Variants in GNB1L observed in about 807,000 individuals in gnomAD.
The protein encoded by GNB1L is guanine nucleotide-binding protein subunit beta-like protein 1.
In GNB1L, 20 loss-of-function variants were observed where a neutral mutation model predicts 29.1. That is an observed-to-expected ratio of 0.69 (90% CI 0.48 to 1.00). GNB1L has a LOEUF of 1.00. Among genes scored for constraint, GNB1L ranks in the 50% least tolerant of loss-of-function variants. The probability of loss-of-function intolerance (pLI) is 0.00; values close to 1 mark genes in which losing one functional copy is unlikely to be tolerated. For synonymous variants in GNB1L, 193 were observed against 206.5 expected (o/e 0.93, Z 0.56); for missense variants, 421 against 464.9 (o/e 0.91, Z 0.87).
At chr22:19,841,345 A>T (rs1937856839) in intron 2 of GNB1L, among the ~76,000 whole-genome samples, 1 of 152,214 alleles carries the variant, frequency 6.6e-6, no homozygotes, top group Non-Finnish European at 1.5e-5. Context: ...TTTAATTTAC[A>T]CTAATGTATT....
chr22:19,843,800 T>C (rs1179622959), intron 2 of GNB1L, among the ~76,000 whole-genome samples: 1 of 152,196 alleles, frequency 6.6e-6, no homozygotes, highest in Non-Finnish European at 1.5e-5. Context: ...AGTGCTACAG[T>C]CCTGTAGGCC....
chr22:19,796,348 G>T (rs73379923), intron 7 of GNB1L, among the ~76,000 whole-genome samples: 3,811 of 152,272 alleles, frequency 0.025, 151 homozygotes, highest in African/African-American at 0.085. Context: ...GACTTAAAGG[G>T]CTAAGAATCA....
intron 6 of GNB1L, among the ~76,000 whole-genome samples, chr22:19,804,411 T>C (rs1218102470): frequency 6.6e-6 from 1 of 152,076 alleles, no homozygotes; most frequent in Non-Finnish European, 1.5e-5. Context: ...CTGGCTGGAG[T>C]GGCCCCTGCC....
intron 2 of GNB1L, chr22:19,847,133 CCTG>C (rs1339089543): frequency 1.0e-6 from 1 of 985,302 alleles, no homozygotes; most frequent in African/African-American, 1.7e-5. Flanking sequence ...TTACTTGTGG[CCTG>C]CTGTGGCCTT....
intron 2 of GNB1L, among the ~76,000 whole-genome samples, chr22:19,825,614 C>T (rs1047476457): frequency 2.6e-5 from 4 of 151,302 alleles, no homozygotes; most frequent in Non-Finnish European, 4.4e-5. Flanking sequence ...AGAGCAAGAC[C>T]GCATCTCAAA....
At chr22:19,807,828 C>T (rs1033979275) in intron 5 of GNB1L, among the ~76,000 whole-genome samples, 3 of 152,184 alleles carry the variant, frequency 2.0e-5, no homozygotes, top group African/African-American at 7.2e-5. Context: ...GCTTGCTGCC[C>T]TCACTAACCC....
Position 19,784,111 on chromosome 22 carries a change from G to A in GNB1L, c.*4598C>T, listed in dbSNP as rs1183295661. 6.6e-6 allele frequency: 1 copy of A among 152,254 alleles called. No individual in the cohort carries two copies. Among genetic ancestry groups the A allele is most frequent in the Non-Finnish European group, 1.5e-5 (1 of 68,056 alleles). The allele number at this position is 152,254 out of a possible 1,614,324, so 9.4% of individuals were successfully genotyped here. ...GCCGGCTTGTTGTCTTCCACGCTGG[G>A]ATTTCACATGAAGTTCTAGCTAATT... On this transcript the variant is annotated 3_prime_UTR_variant, in exon 8 of 8. Transcript: ENST00000329517.
intron 2 of GNB1L, chr22:19,847,854 A>G (rs1318131671): frequency 4.2e-6 from 4 of 941,512 alleles, no homozygotes; most frequent in East Asian, 1.1e-4. Flanking sequence ...TAGTACTTTC[A>G]TAATTGTAAC....
intron 2 of GNB1L, among the ~76,000 whole-genome samples, chr22:19,853,348 G>T (rs1938154613): frequency 6.6e-6 from 1 of 152,102 alleles, no homozygotes; most frequent in Non-Finnish European, 1.5e-5. Context: ...TCTCCACGCA[G>T]CAGTCACCTA....
At chr22:19,852,178 C>T in intron 2 of GNB1L, 1 of 1,614,000 alleles carries the variant, frequency 6.2e-7, no homozygotes, top group Non-Finnish European at 8.5e-7. Flanking sequence ...TGTCCATCTG[C>T]TGCCATGGAT....
At chr22:19,824,111 A>G (rs543254512) in intron 2 of GNB1L, among the ~76,000 whole-genome samples, 1 of 152,398 alleles carries the variant, frequency 6.6e-6, no homozygotes, top group African/African-American at 2.4e-5. Flanking sequence ...TTGTTACAAC[A>G]ACCAAAATGC....
At position 19,783,666 on chromosome 22, in the gene GNB1L, C is replaced by T. The variant is rs1937164314; in HGVS notation, c.*5043G>A. 6.2e-6 allele frequency: 1 copy of T among 160,836 alleles called. No individual in the cohort carries two copies. The highest frequency in any genetic ancestry group is 1.4e-5 in the Non-Finnish European group (1 of 73,344). The allele number at this position is 160,836 out of a possible 1,614,324, so 10.0% of individuals were successfully genotyped here. On this transcript the variant is annotated 3_prime_UTR_variant, in exon 8 of 8. Transcript: ENST00000329517. The stretch of plus-strand genomic sequence containing the variant: ...CCCTGTGGCCGTTGTCCCCATCGTC[C>T]GTGGCTTCATCCCTCAACTGATGCT...
At chr22:19,808,599 T>C (rs974844175) in intron 5 of GNB1L, among the ~76,000 whole-genome samples, 6 of 152,114 alleles carry the variant, frequency 3.9e-5, no homozygotes, top group African/African-American at 9.7e-5. Context: ...TATAGGAACA[T>C]TGATGTCCAA....
At chr22:19,815,324 T>G (rs1441166712) in intron 4 of GNB1L, among the ~76,000 whole-genome samples, 5 of 152,204 alleles carry the variant, frequency 3.3e-5, no homozygotes, top group African/African-American at 1.2e-4. Flanking sequence ...AAATCTCCAC[T>G]GGGGTTTTGG....
At chr22:19,834,618 T>C (rs570504369) in intron 2 of GNB1L, among the ~76,000 whole-genome samples, 1 of 152,018 alleles carries the variant, frequency 6.6e-6, no homozygotes, top group South Asian at 2.1e-4. Flanking sequence ...AATGGAAAAA[T>C]ATTAACTCTA....
chr22:19,792,933 A>G lies in GNB1L; in HGVS notation c.733-3973T>C, dbSNP rs931216272. ...ATAGGTGAACTCGGAAGACAAAGGCACTTTGGCTAAGCTGATGGAAGCTAT... is the reference window on the plus strand; with the variant it reads ...ATAGGTGAACTCGGAAGACAAAGGCGCTTTGGCTAAGCTGATGGAAGCTAT... On this transcript the variant is annotated intron_variant, in intron 7 of 7. Coordinates refer to ENST00000329517, the MANE Select transcript of GNB1L (RefSeq NM_053004.3). 12 of 1,284,992 alleles carry G rather than the reference A, an allele frequency of 9.3e-6. No homozygotes were observed. In the South Asian group the frequency reaches 1.2e-4, roughly 13 times the overall value. 79.6% of individuals were successfully genotyped at this position (1,284,992 alleles called of 1,614,324 possible).
chr22:19,821,930 C>G (rs1937582727), intron 2 of GNB1L, among the ~76,000 whole-genome samples: 1 of 152,204 alleles, frequency 6.6e-6, no homozygotes, highest in Non-Finnish European at 1.5e-5. Context: ...TCCAGTGTCT[C>G]TCTTGGGAGC....
chr22:19,800,993 C>T (rs1937364065), intron 7 of GNB1L, among the ~76,000 whole-genome samples: 1 of 152,216 alleles, frequency 6.6e-6, no homozygotes, highest in Admixed American at 6.5e-5. Flanking sequence ...GCGGGCAAGT[C>T]TGCCCTGCCT....
intron 2 of GNB1L, among the ~76,000 whole-genome samples, chr22:19,840,073 A>AG (rs1425110612): frequency 1.3e-5 from 2 of 151,872 alleles, no homozygotes; most frequent in African/African-American, 4.8e-5. Context: ...CAAAAAAAAA[A>AG]AAAGTATACT....
Sources: gnomAD v4.1 joint callset for allele counts (sites outside exome capture counted in the v4.1 genomes callset) on GRCh38, gnomAD v4.1.1 for gene constraint, MANE v1.5 for transcripts, NCBI Gene and HGNC (gene_info 2026-07-23, HGNC 2026-07-21) for gene names.